FZR1: variants seen among roughly 807,000 people sequenced by gnomAD.
FZR1 encodes fizzy-related protein homolog.
FZR1 carries 11 observed loss-of-function variants against 63.6 expected under a neutral mutation model. That is an observed-to-expected ratio of 0.17 (90% CI 0.11 to 0.29). The LOEUF is 0.29. FZR1 is among the 10% of genes least tolerant of loss of function. The probability of loss-of-function intolerance (pLI) is 1.00; values close to 1 mark genes in which losing one functional copy is unlikely to be tolerated. For missense variants in FZR1, 440 were observed against 687.5 expected, an observed-to-expected ratio of 0.64 and a Z score of 4.03; for synonymous variants, 328 against 297.9, an observed-to-expected ratio of 1.10 and a Z score of -1.04.
rs1181572409 is a variant in FZR1, at chr19:3,515,007, C to G, written c.-34-7949C>G. 6.6e-6 allele frequency among the ~76,000 whole-genome samples: 1 copy of G among 152,184 alleles called. No homozygotes were observed. Among genetic ancestry groups the G allele is most frequent in the Admixed American group, 6.5e-5 (1 of 15,292 alleles). ...GTTTGCAGGACCCACAGGGCAGTGC[C>G]CTGCCAAGGGGATGGGGCAGCAGGA... On this transcript the variant is annotated intron_variant, in intron 1 of 13. Transcript: ENST00000441788. This position sits in a 1 kb window ranked among gnomAD's most constrained non-coding sequence, Gnocchi z 4.6.
intron 8 of FZR1, 25 bp downstream of exon 8, chr19:3,530,882 A>G (rs1473005930): frequency 6.3e-7 from 1 of 1,586,674 alleles, no homozygotes; most frequent in Admixed American, 1.7e-5. Flanking sequence ...CTTGGCCCCC[A>G]CCTGGGAGAT....
At chr19:3,508,250 C>A (rs1054174726) in intron 1 of FZR1, among the ~76,000 whole-genome samples, 1 of 129,474 alleles carries the variant, frequency 7.7e-6, no homozygotes, top group African/African-American at 3.0e-5. Flanking sequence ...GGGCTGAAGT[C>A]CAGTGGCGCG....
chr19:3,524,357 G>A (rs1490098837), intron 2 of FZR1, among the ~76,000 whole-genome samples: 2 of 152,224 alleles, frequency 1.3e-5, no homozygotes, highest in African/African-American at 4.8e-5. Flanking sequence ...TGGGGGAGGA[G>A]CGGGCATTGG....
intron 2 of FZR1, among the ~76,000 whole-genome samples, chr19:3,523,432 C>T (rs1401672400): frequency 2.0e-5 from 3 of 152,134 alleles, no homozygotes; most frequent in African/African-American, 7.2e-5. Context: ...TCCTTCCTTG[C>T]GCTCCACCCT....
chr19:3,508,815 C>T lies in FZR1; in HGVS notation c.-35+2341C>T, dbSNP rs573610288. 2.0e-5 allele frequency among the ~76,000 whole-genome samples: 3 copies of T among 152,362 alleles called. No homozygotes were observed. In the East Asian group the frequency reaches 5.8e-4, roughly 29 times the overall value. On this transcript the variant is annotated intron_variant, in intron 1 of 13. Transcript: ENST00000441788. ...CAGTATTTGAGCCAGGCATGCTGCTCAGTGCCCCCACTGTGCCCAGAACGG... is the reference window on the plus strand; with the variant it reads ...CAGTATTTGAGCCAGGCATGCTGCTTAGTGCCCCCACTGTGCCCAGAACGG...
In FZR1 at chr19:3,523,201, C is replaced by T. The variant is rs181612399; in HGVS notation, c.69+143C>T. On this transcript the variant is annotated intron_variant, in intron 2 of 13. Transcript: ENST00000441788. ...AGTCCCCCAGGTCACACGGGGCCTC[C>T]GCCTCCTGGGCTGTCAGGGTTGCCG... The T allele has an allele frequency of 1.3e-4, 87 of 688,152 alleles. No homozygotes were observed. The East Asian group carries it at 2.0e-3, about 16-fold the overall frequency. 42.6% of individuals were successfully genotyped at this position (688,152 alleles called of 1,614,324 possible). A position where few individuals can be genotyped will look rare whatever the true frequency, so the allele number is the denominator to read the frequency against.
intron 1 of FZR1, among the ~76,000 whole-genome samples, chr19:3,508,866 C>T (rs2083005052): frequency 6.6e-6 from 1 of 152,252 alleles, no homozygotes; most frequent in Non-Finnish European, 1.5e-5. Flanking sequence ...AGCCTGTCCC[C>T]AATGTCTGGA....
intron 7 of FZR1, among the ~76,000 whole-genome samples, chr19:3,530,247 TGGGTGAGC>T (rs2083228458): frequency 1.6e-5 from 2 of 126,376 alleles, no homozygotes; most frequent in Non-Finnish European, 1.7e-5. Flanking sequence ...GGAGAGCAGA[TGGGTGAGC>T]GGATGGGAGA....
At position 3,514,807 on chromosome 19, in the gene FZR1, G is replaced by A. The variant is rs1008703042; in HGVS notation, c.-34-8149G>A. The stretch of plus-strand genomic sequence containing the variant: ...TATCCCAGGGCGTCTCCCTCTGTAC[G>A]GGGGCCCTGTCACTGTTTTGTCAGG... On this transcript the variant is annotated intron_variant, in intron 1 of 13. Transcript: ENST00000441788. This position sits in a 1 kb window ranked among gnomAD's most constrained non-coding sequence, Gnocchi z 4.2. Among the ~76,000 whole-genome samples the A allele has an allele frequency of 1.3e-5, 2 of 152,216 alleles. No individual in the cohort carries two copies. Among genetic ancestry groups the A allele is most frequent in the African/African-American group, 2.4e-5 (1 of 41,452 alleles).
chr19:3,525,145 G>T lies in FZR1; in HGVS notation c.70-723G>T, dbSNP rs559750934. Among the ~76,000 whole-genome samples the T allele has an allele frequency of 6.6e-6, 1 of 152,162 alleles. No homozygotes were observed. The highest frequency in any genetic ancestry group is 1.5e-5 in the Non-Finnish European group (1 of 68,028). On this transcript the variant is annotated intron_variant, in intron 2 of 13. Transcript: ENST00000441788. The surrounding 1 kb of genome is among the most constrained non-coding windows in gnomAD (Gnocchi z 4.2). ...GTACAGCTGTTGCGTGTCTTGTGCC[G>T]TCAAGGCCTGCGTCTGTGATCATCT...
At chr19:3,518,011 CTTTT>C (rs1220242480) in intron 1 of FZR1, among the ~76,000 whole-genome samples, 2 of 109,522 alleles carry the variant, frequency 1.8e-5, no homozygotes, top group Non-Finnish European at 1.9e-5. Flanking sequence ...CTGTTTCTTT[CTTTT>C]TTTTTTTTTT....
Position 3,533,302 on chromosome 19 carries a change from G to T in FZR1, c.1251G>T (p.Thr417=), listed in dbSNP as rs375592684. The change falls in exon 12 of 14, where the codon ACG becomes ACT. Residue 417 remains threonine (T), a synonymous_variant. Coordinates refer to ENST00000441788, the MANE Select transcript of FZR1 (RefSeq NM_016263.4). This position sits in a 1 kb window ranked among gnomAD's most constrained non-coding sequence, Gnocchi z 4.9. ...CCCCCTCCGCCCTCCAGGTGAGCAC[G>T]CACGGCTACTCACAGAACCAGATCC... ...WSKHANELVS[T]HGYSQNQILV... 1 of 1,607,164 alleles carries T rather than the reference G, an allele frequency of 6.2e-7. No individual in the cohort carries two copies. The highest frequency in any genetic ancestry group is 1.1e-5 in the South Asian group (1 of 90,990).
chr19:3,523,946 C>T (rs908633946), intron 2 of FZR1, among the ~76,000 whole-genome samples: 1 of 152,228 alleles, frequency 6.6e-6, no homozygotes, highest in Non-Finnish European at 1.5e-5. Context: ...TCCCCCTGTG[C>T]GGTGCGGCCC....
At position 3,537,974 on chromosome 19, in the gene FZR1, A is replaced by G. The variant is rs1204967318; in HGVS notation, c.*3138A>G. The G allele has an allele frequency of 6.5e-6, 1 of 153,046 alleles. No individual in the cohort carries two copies. The highest frequency in any genetic ancestry group is 2.0e-4 in the South Asian group (1 of 4,884). The allele number at this position is 153,046 out of a possible 1,614,324, so 9.5% of individuals were successfully genotyped here. A position where few individuals can be genotyped will look rare whatever the true frequency, so the allele number is the denominator to read the frequency against. ...GACGCCTGGGTGAGAGGCAAAGGGC[A>G]CAGCCATGCAAAGGCCCTGGGGCAG... On this transcript the variant is annotated 3_prime_UTR_variant, in exon 14 of 14. Transcript: ENST00000441788.
At chr19:3,531,004 T>A (rs1462201792) in intron 8 of FZR1, 147 bp downstream of exon 8, 1 of 614,040 alleles carries the variant, frequency 1.6e-6, no homozygotes, top group Non-Finnish European at 2.9e-6. Flanking sequence ...GTCCCCGGCC[T>A]TAGTGTGGTC....
Position 3,526,411 on chromosome 19 carries a change from G to T in FZR1, c.387+25G>T. 1 of 1,542,622 alleles carries T rather than the reference G, an allele frequency of 6.5e-7. No individual in the cohort carries two copies. Among genetic ancestry groups the T allele is most frequent in the Non-Finnish European group, 8.8e-7 (1 of 1,142,136 alleles). ...GGTAAGCCTGCGGCACCCCCCACCC[G>T]GGAGCTGGCTCCCAGTGCAGCCTCC... is the stretch of plus-strand genomic sequence containing the variant. On this transcript the variant is annotated intron_variant, in intron 5 of 13. Coordinates refer to ENST00000441788, the MANE Select transcript of FZR1 (RefSeq NM_016263.4). The surrounding 1 kb of genome is among the most constrained non-coding windows in gnomAD (Gnocchi z 5.4).
chr19:3,531,215 G>A (rs559980154), intron 8 of FZR1, among the ~76,000 whole-genome samples: 6 of 152,306 alleles, frequency 3.9e-5, no homozygotes, highest in African/African-American at 1.4e-4. Flanking sequence ...CTCAGCAGCA[G>A]CTTTGAAGCA....
intron 1 of FZR1, among the ~76,000 whole-genome samples, chr19:3,518,005 TTC>T (rs1347703112): frequency 2.0e-5 from 3 of 148,454 alleles, no homozygotes; most frequent in African/African-American, 7.5e-5. Context: ...AGCTAACTGT[TTC>T]TTTCTTTTTT....
At chr19:3,527,186 T>C in intron 6 of FZR1, 124 bp downstream of exon 6, 1 of 790,188 alleles carries the variant, frequency 1.3e-6, no homozygotes, top group South Asian at 1.5e-5. Flanking sequence ...TGAAGGGGGC[T>C]TCCCAGGGCA....
Sources: gnomAD v4.1 joint callset for allele counts (sites outside exome capture counted in the v4.1 genomes callset) on GRCh38, gnomAD v4.1.1 for gene constraint, Gnocchi (gnomAD v3.1) non-coding constraint, MANE v1.5 for transcripts, NCBI Gene and HGNC (gene_info 2026-07-23, HGNC 2026-07-21) for gene names.